Variants in SMG6 observed in about 807,000 individuals in gnomAD.
The protein encoded by SMG6 is SMG6 nonsense mediated mRNA decay factor.
A neutral mutation model predicts 142.2 loss-of-function variants in SMG6; 66 were observed. That is an observed-to-expected ratio of 0.46 (90% CI 0.38 to 0.57). The LOEUF (loss-of-function observed/expected upper bound fraction) is 0.57. Ranked by LOEUF, SMG6 falls within the 20% of genes least tolerant of loss-of-function variation. The probability of loss-of-function intolerance (pLI) is 0.00; values close to 1 mark genes in which losing one functional copy is unlikely to be tolerated. For synonymous variants in SMG6, 779 were observed against 702.4 expected (o/e 1.11, Z -1.72); for missense variants, 1,793 against 1,832.0 (o/e 0.98, Z 0.39).
intron 13 of SMG6, among the ~76,000 whole-genome samples, chr17:2,098,310 T>A (rs2760748): frequency 0.064 from 9,736 of 152,140 alleles, 418 homozygotes; most frequent in Non-Finnish European, 0.097. Flanking sequence ...AATCAACAAA[T>A]CCCCAAATTG....
intron 13 of SMG6, among the ~76,000 whole-genome samples, chr17:2,151,545 A>C (rs1469172804): frequency 6.6e-6 from 1 of 152,214 alleles, no homozygotes; most frequent in African/African-American, 2.4e-5. Flanking sequence ...CTCCAGCACT[A>C]AGGCAGGCCT....
At position 2,081,827 on chromosome 17, in the gene SMG6, G is replaced by C; in HGVS notation, c.3664C>G (p.Arg1222Gly). 6.2e-7 allele frequency: 1 copy of C among 1,613,630 alleles called. No individual in the cohort carries two copies. Among genetic ancestry groups the C allele is most frequent in the Non-Finnish European group, 8.5e-7 (1 of 1,180,028 alleles). ...LARKIAEQQR[R>G]QEKIQAVLED... ...GACTTCACCTGGATCTTTTCCTGGC[G>C]ACGCTGCTGCTCAGCTATCTTCCTG... is the stretch of plus-strand genomic sequence containing the variant. Residue 1222 changes from arginine (R) to glycine (G), a missense_variant, in exon 15 of 19, where the codon CGC becomes GGC. Transcript: ENST00000263073.
chr17:2,234,680 T>G (rs1013746298), intron 10 of SMG6, among the ~76,000 whole-genome samples: 1 of 151,842 alleles, frequency 6.6e-6, no homozygotes, highest in Admixed American at 6.6e-5. Flanking sequence ...AAACAGATGC[T>G]TCATGGGCAA....
intron 6 of SMG6, 140 bp from the exon 7 acceptor site, chr17:2,283,875 G>A: frequency 1.5e-6 from 1 of 645,348 alleles, no homozygotes; most frequent in South Asian, 1.8e-5. Flanking sequence ...AATCAGAAAT[G>A]CTATCCACAG....
intron 13 of SMG6, among the ~76,000 whole-genome samples, chr17:2,115,979 T>C (rs528703809): frequency 3.9e-5 from 6 of 152,308 alleles, no homozygotes; most frequent in Non-Finnish European, 8.8e-5. Context: ...AGTGCAAGAA[T>C]TACAGGTGTG....
chr17:2,196,498 A>G (rs1310386788), intron 10 of SMG6, among the ~76,000 whole-genome samples: 1 of 152,256 alleles, frequency 6.6e-6, no homozygotes, highest in African/African-American at 2.4e-5. Flanking sequence ...TGAGCAACTC[A>G]GCATTGTAGA....
chr17:2,277,639 AT>A (rs1010691012), intron 8 of SMG6, among the ~76,000 whole-genome samples: 64 of 152,318 alleles, frequency 4.2e-4, no homozygotes, highest in African/African-American at 1.5e-3. Flanking sequence ...CAGCACAGCA[AT>A]TTTTAGGAAT....
intron 15 of SMG6, among the ~76,000 whole-genome samples, chr17:2,070,932 C>A (rs1290088900): frequency 6.6e-6 from 1 of 152,232 alleles, no homozygotes; most frequent in African/African-American, 2.4e-5. Flanking sequence ...CAGTAAACCC[C>A]TCTGCCCTTT....
intron 10 of SMG6, among the ~76,000 whole-genome samples, chr17:2,222,518 T>C (rs1246859208): frequency 9.8e-6 from 1 of 101,978 alleles, no homozygotes; most frequent in Admixed American, 1.5e-4. Flanking sequence ...AGAACAGTCG[T>C]GAATGAGCTC....
At chr17:2,254,297 T>A (rs957429066) in intron 8 of SMG6, among the ~76,000 whole-genome samples, 1 of 152,188 alleles carries the variant, frequency 6.6e-6, no homozygotes, top group African/African-American at 2.4e-5. Context: ...GACAACCAGA[T>A]AACAGTTTTC....
In SMG6 at chr17:2,071,737, G is replaced by A. The variant is rs943966902; in HGVS notation, c.3682-2806C>T. ...TCTCCTGGGGTACCGGTGGGCCTCT[G>A]GGCGGGGGGGGTCACACCTGGGTCA... On this transcript the variant is annotated intron_variant, in intron 15 of 18. Transcript: ENST00000263073. This position sits in a 1 kb window ranked among gnomAD's most constrained non-coding sequence, Gnocchi z 5.6. Among the ~76,000 whole-genome samples, 1 of 84,134 alleles carries A rather than the reference G, an allele frequency of 1.2e-5. No homozygotes were observed. Among genetic ancestry groups the A allele is most frequent in the African/African-American group, 6.3e-5 (1 of 15,928 alleles). 55.2% of individuals were successfully genotyped at this position (84,134 alleles called of 152,430 possible).
At chr17:2,301,758 C>T (rs1417608678) in intron 1 of SMG6, among the ~76,000 whole-genome samples, 2 of 152,300 alleles carry the variant, frequency 1.3e-5, no homozygotes, top group East Asian at 1.9e-4. Context: ...AGGAGAATAG[C>T]GTGAACCCAG....
chr17:2,214,345 A>C (rs2072950136), intron 10 of SMG6: 2 of 121,292 alleles, frequency 1.6e-5, no homozygotes, highest in Admixed American at 8.3e-5. Context: ...CTTCCTACCT[A>C]CCCCACTCTC....
chr17:2,066,711 G>T (rs1403971122), intron 16 of SMG6, among the ~76,000 whole-genome samples: 2 of 123,550 alleles, frequency 1.6e-5, no homozygotes, highest in East Asian at 4.6e-4. Context: ...CATGCTTTCG[G>T]CACCCTGAGG....
chr17:2,212,426 T>C (rs1205959558), intron 10 of SMG6, among the ~76,000 whole-genome samples: 3 of 152,152 alleles, frequency 2.0e-5, no homozygotes, highest in Non-Finnish European at 4.4e-5. Flanking sequence ...CGTGGTTTTA[T>C]ATTGCTGCAG....
At chr17:2,142,328 G>A (rs1050089655) in intron 13 of SMG6, among the ~76,000 whole-genome samples, 1 of 152,164 alleles carries the variant, frequency 6.6e-6, no homozygotes, top group African/African-American at 2.4e-5. Context: ...TAAAGGACTT[G>A]TATCCAGAAT....
At chr17:2,240,024 G>C (rs1210282040) in intron 9 of SMG6, 1 of 152,190 alleles carries the variant, frequency 6.6e-6, no homozygotes, top group Admixed American at 6.5e-5. Flanking sequence ...GAGTCCAAGT[G>C]CAGGTGTGAT....
At chr17:2,207,200 A>C (rs1352660769) in intron 10 of SMG6, among the ~76,000 whole-genome samples, 2 of 151,876 alleles carry the variant, frequency 1.3e-5, no homozygotes, top group East Asian at 3.9e-4. Context: ...AGGCATGAGA[A>C]TCACTTGAAC....
At chr17:2,074,091 G>A (rs1456082083) in intron 15 of SMG6, among the ~76,000 whole-genome samples, 4 of 150,698 alleles carry the variant, frequency 2.7e-5, no homozygotes, top group African/African-American at 4.8e-5. Flanking sequence ...CTCAAAAAAA[G>A]AGAGAGAGAG....
Sources: allele counts gnomAD v4.1 joint callset (sites outside exome capture counted in the v4.1 genomes callset), GRCh38; gene constraint gnomAD v4.1.1; non-coding constraint Gnocchi (gnomAD v3.1); transcripts MANE v1.5; gene names NCBI Gene and HGNC (gene_info 2026-07-23, HGNC 2026-07-21).